NEGR1: variants seen among roughly 807,000 people sequenced by gnomAD.
NEGR1 encodes IgLON family member 4.
A neutral mutation model predicts 40.9 loss-of-function variants in NEGR1; 10 were observed. That is an observed-to-expected ratio of 0.24 (90% confidence interval 0.15 to 0.42). The LOEUF (loss-of-function observed/expected upper bound fraction) is 0.42. NEGR1 is among the 10% of genes least tolerant of loss of function. The pLI, the probability that NEGR1 is intolerant of heterozygous loss-of-function variation, is 1.00. For synonymous variants in NEGR1, 185 were observed against 166.8 expected (o/e 1.11, Z -0.84); for missense variants, 352 against 438.9 (o/e 0.80, Z 1.77).
chr1:72,020,813 A>G (rs565279095), intron 1 of NEGR1, among the ~76,000 whole-genome samples: 1 of 152,340 alleles, frequency 6.6e-6, no homozygotes, highest in South Asian at 2.1e-4. Context: ...ATATATTTAA[A>G]TGATGTAGCT....
At chr1:71,930,232 G>A (rs748405952) in intron 2 of NEGR1, among the ~76,000 whole-genome samples, 1 of 152,026 alleles carries the variant, frequency 6.6e-6, no homozygotes, top group Non-Finnish European at 1.5e-5. Flanking sequence ...AATGCTATGT[G>A]TACCAAAGAG....
intron 1 of NEGR1, among the ~76,000 whole-genome samples, chr1:71,939,083 C>T (rs998955953): frequency 1.3e-5 from 2 of 152,176 alleles, no homozygotes; most frequent in East Asian, 1.9e-4. Context: ...CTTTACTCTG[C>T]TCTAGGCTGG....
Position 72,244,258 on chromosome 1 carries a change from G to A in NEGR1, c.176+38061C>T, listed in dbSNP as rs930304883. ...AAGATATACACCTTTTGGAATTTTC[G>A]TCTCTTAAATAACTTATTTAAGGTC... On this transcript the variant is annotated intron_variant, in intron 1 of 6. Transcript: ENST00000357731. Among the ~76,000 whole-genome samples the A allele has an allele frequency of 6.6e-5, 10 of 151,254 alleles. No individual in the cohort carries two copies. The South Asian group carries it at 1.0e-3, about 16-fold the overall frequency.
chr1:72,044,059 C>G (rs34122915), intron 1 of NEGR1, among the ~76,000 whole-genome samples: 62,471 of 151,232 alleles, frequency 0.41, 13,921 homozygotes, highest in Middle Eastern at 0.51. Flanking sequence ...TTGTAAAGAC[C>G]CCCCCATACC....
At chr1:71,701,782 A>G (rs934222169) in intron 3 of NEGR1, among the ~76,000 whole-genome samples, 1 of 152,232 alleles carries the variant, frequency 6.6e-6, no homozygotes, top group East Asian at 1.9e-4. Flanking sequence ...CAATAGGTAA[A>G]GAAAGACACG....
chr1:71,520,707 T>C (rs1332171415), intron 6 of NEGR1, among the ~76,000 whole-genome samples: 1 of 152,054 alleles, frequency 6.6e-6, no homozygotes, highest in Non-Finnish European at 1.5e-5. Context: ...ACTACCCTAC[T>C]GTGAAGCCTG....
intron 4 of NEGR1, among the ~76,000 whole-genome samples, chr1:71,619,267 T>A (rs1415286169): frequency 6.6e-6 from 1 of 152,094 alleles, no homozygotes; most frequent in Non-Finnish European, 1.5e-5. Flanking sequence ...AGAAAGATGA[T>A]CAAATGAAAA....
At chr1:71,449,595 G>A (rs929044752) in intron 6 of NEGR1, among the ~76,000 whole-genome samples, 2 of 152,198 alleles carry the variant, frequency 1.3e-5, no homozygotes, top group Non-Finnish European at 2.9e-5. Context: ...TAAATTTTAA[G>A]TTCAAATTAT....
chr1:72,220,382 A>G (rs1169096523), intron 1 of NEGR1, among the ~76,000 whole-genome samples: 2 of 151,890 alleles, frequency 1.3e-5, no homozygotes, highest in East Asian at 1.9e-4. Context: ...ACCGGGGACC[A>G]TATGAATTGT....
chr1:71,730,693 T>TA (rs1453443041), intron 3 of NEGR1, among the ~76,000 whole-genome samples: 1 of 151,174 alleles, frequency 6.6e-6, no homozygotes, highest in East Asian at 1.9e-4. Flanking sequence ...TCAAACAGAC[T>TA]ATTACCTTCT....
chr1:71,741,058 T>C (rs1008586445), intron 3 of NEGR1, among the ~76,000 whole-genome samples: 3 of 152,148 alleles, frequency 2.0e-5, no homozygotes, highest in Non-Finnish European at 2.9e-5. Flanking sequence ...GATTTAGTGA[T>C]TTCTTCCATT....
intron 1 of NEGR1, among the ~76,000 whole-genome samples, chr1:72,142,662 AT>A (rs1650731515): frequency 6.6e-6 from 1 of 151,918 alleles, no homozygotes; most frequent in Admixed American, 6.6e-5. Context: ...GATAATATCT[AT>A]TATCTTCCAG....
intron 6 of NEGR1, among the ~76,000 whole-genome samples, chr1:71,422,114 T>C (rs1459024769): frequency 6.6e-6 from 1 of 152,190 alleles, no homozygotes; most frequent in Admixed American, 6.5e-5. Flanking sequence ...TACCCACTTA[T>C]AAAGAGCAGC....
intron 1 of NEGR1, among the ~76,000 whole-genome samples, chr1:72,097,000 A>T (rs1180088790): frequency 6.6e-6 from 1 of 152,160 alleles, no homozygotes; most frequent in African/African-American, 2.4e-5. Flanking sequence ...ATCTTTTAAA[A>T]GTCCATGTAA....
At chr1:71,761,395 A>G (rs146012067) in intron 3 of NEGR1, among the ~76,000 whole-genome samples, 1 of 152,312 alleles carries the variant, frequency 6.6e-6, no homozygotes, top group African/African-American at 2.4e-5. Flanking sequence ...TCCATGGTCT[A>G]CAGACTATTT....
chr1:72,106,220 A>G (rs1649128733), intron 1 of NEGR1, among the ~76,000 whole-genome samples: 1 of 152,094 alleles, frequency 6.6e-6, no homozygotes, highest in African/African-American at 2.4e-5. Flanking sequence ...AAAAGTTACT[A>G]GACAAAAGGA....
At chr1:72,008,916 A>G (rs894901046) in intron 1 of NEGR1, among the ~76,000 whole-genome samples, 5 of 152,036 alleles carry the variant, frequency 3.3e-5, no homozygotes, top group African/African-American at 1.2e-4. Context: ...GAGTGAAGTC[A>G]AAAAGCTTCC....
At chr1:72,266,758 C>T (rs1655657596) in intron 1 of NEGR1, among the ~76,000 whole-genome samples, 1 of 149,116 alleles carries the variant, frequency 6.7e-6, no homozygotes, top group Admixed American at 6.7e-5. Flanking sequence ...CACACACACA[C>T]ACACACCAAT....
intron 4 of NEGR1, among the ~76,000 whole-genome samples, chr1:71,616,927 T>A (rs1441125297): frequency 6.6e-6 from 1 of 152,162 alleles, no homozygotes; most frequent in Non-Finnish European, 1.5e-5. Flanking sequence ...AACAGGTGAT[T>A]CACATTCTCC....
Sources: gnomAD v4.1 joint callset for allele counts (sites outside exome capture counted in the v4.1 genomes callset) on GRCh38, gnomAD v4.1.1 for gene constraint, MANE v1.5 for transcripts, NCBI Gene and HGNC (gene_info 2026-07-23, HGNC 2026-07-21) for gene names.